The following SCAPER variants were observed in gnomAD, a reference collection of about 807,000 sequenced individuals.
The protein encoded by SCAPER is S-phase cyclin A associated protein in the ER.
A neutral mutation model predicts 182.2 loss-of-function variants in SCAPER; 98 were observed. The ratio of observed to expected loss-of-function variants is 0.54; its 90% confidence interval spans 0.46 to 0.64. The LOEUF (loss-of-function observed/expected upper bound fraction) is 0.64, where lower values mean the gene tolerates loss of function less well. SCAPER is among the 30% of genes least tolerant of loss of function. SCAPER has a pLI of 0.00. For missense variants in SCAPER, 1,432 were observed against 1,690.0 expected (o/e 0.85, Z 2.68); for synonymous variants, 605 against 564.6 (o/e 1.07, Z -1.01).
At chr15:76,557,716 A>AC (rs2046294028) in intron 23 of SCAPER, among the ~76,000 whole-genome samples, 2 of 152,196 alleles carry the variant, frequency 1.3e-5, no homozygotes, top group South Asian at 4.1e-4. Context: ...TGTATCAGTT[A>AC]CCCAGTCTCA....
Position 76,795,313 on chromosome 15 carries a change from G to GTGGGCAAGAC in SCAPER, c.729_738dup (p.Pro247ValfsTer15). 1 of 1,612,976 alleles carries GTGGGCAAGAC rather than the reference G, an allele frequency of 6.2e-7. No homozygotes were observed. Among genetic ancestry groups the GTGGGCAAGAC allele is most frequent in the Non-Finnish European group, 8.5e-7 (1 of 1,179,298 alleles). On this transcript the variant is annotated frameshift_variant, in exon 8 of 32. Coordinates refer to ENST00000563290, the MANE Select transcript of SCAPER (RefSeq NM_020843.4). LOFTEE classifies it high-confidence loss of function. ...CGTGAGGCCTTCTGCACTGTCATTG[G>GTGGGCAAGAC]TGGGCAAGACTGGGCGGGTGTTATT...
chr15:76,816,061 G>T (rs528814634), intron 5 of SCAPER, among the ~76,000 whole-genome samples: 26 of 152,126 alleles, frequency 1.7e-4, no homozygotes, highest in Admixed American at 3.9e-4. Flanking sequence ...GTTGCTCTGG[G>T]TAAGGGAGGG....
intron 23 of SCAPER, among the ~76,000 whole-genome samples, chr15:76,510,530 C>T (rs1213832033): frequency 6.6e-6 from 1 of 152,016 alleles, no homozygotes; most frequent in Admixed American, 6.5e-5. Flanking sequence ...AAATGCAAAT[C>T]AAAACCACAA....
At chr15:76,358,232 A>G (rs1389334011) in intron 29 of SCAPER, among the ~76,000 whole-genome samples, 3 of 152,362 alleles carry the variant, frequency 2.0e-5, no homozygotes, top group African/African-American at 7.2e-5. Flanking sequence ...AGAGTACTTC[A>G]AGGCTTCCTT....
intron 8 of SCAPER, among the ~76,000 whole-genome samples, chr15:76,790,849 G>C (rs896539667): frequency 1.3e-5 from 2 of 152,072 alleles, no homozygotes; most frequent in Admixed American, 1.3e-4. Context: ...TAGTCCTTGG[G>C]TTTAACTTGC....
intron 2 of SCAPER, among the ~76,000 whole-genome samples, chr15:76,881,917 C>T (rs2073565039): frequency 6.6e-6 from 1 of 151,936 alleles, no homozygotes; most frequent in Admixed American, 6.6e-5. Flanking sequence ...TTAATGTTAC[C>T]CACAAGGGAA....
At chr15:76,726,258 C>T (rs908753770) in intron 17 of SCAPER, among the ~76,000 whole-genome samples, 6 of 149,872 alleles carry the variant, frequency 4.0e-5, no homozygotes, top group Non-Finnish European at 8.9e-5. Context: ...CCAATAAGCA[C>T]ATGAAAAGAT....
chr15:76,780,634 C>G (rs926094651), intron 8 of SCAPER, among the ~76,000 whole-genome samples: 2 of 152,200 alleles, frequency 1.3e-5, no homozygotes, highest in Non-Finnish European at 2.9e-5. Context: ...TAGGGGCCAA[C>G]AGACACCTCA....
chr15:76,604,185 T>C (rs1311856599), intron 22 of SCAPER, among the ~76,000 whole-genome samples: 1 of 120,908 alleles, frequency 8.3e-6, no homozygotes, highest in African/African-American at 2.5e-5. Context: ...TTAATCCATC[T>C]TGAATTAATT....
In SCAPER at chr15:76,434,175, T is replaced by C; in HGVS notation, c.3214A>G (p.Asn1072Asp). 6.2e-7 allele frequency: 1 copy of C among 1,614,002 alleles called. No homozygotes were observed. The highest frequency in any genetic ancestry group is 8.5e-7 in the Non-Finnish European group (1 of 1,179,878). Residue 1072 changes from asparagine (N) to aspartate (D), a missense_variant, in exon 26 of 32, where the codon AAC (asparagine) becomes GAC (aspartate). By Grantham distance (23) the Asn-to-Asp change is conservative. Transcript: ENST00000563290. ...ATTTTTGGGGTAGCTGGCTGGCAGT[T>C]TCCATCTGGTCGATTGGCAATCAGG... ...GCLIANRPDG[N>D]CQPATPKIPT...
At chr15:76,745,310 G>T (rs537248190) in intron 15 of SCAPER, among the ~76,000 whole-genome samples, 1 of 152,080 alleles carries the variant, frequency 6.6e-6, no homozygotes, top group African/African-American at 2.4e-5. Context: ...TTAGCCAGGC[G>T]TGGTGGCGTG....
intron 23 of SCAPER, among the ~76,000 whole-genome samples, chr15:76,520,828 G>C (rs2042777181): frequency 6.6e-6 from 1 of 152,196 alleles, no homozygotes; most frequent in South Asian, 2.1e-4. Flanking sequence ...TAGAATCTGA[G>C]CTTTCAAACA....
At chr15:76,571,788 C>T (rs2047449939) in intron 23 of SCAPER, among the ~76,000 whole-genome samples, 1 of 152,104 alleles carries the variant, frequency 6.6e-6, no homozygotes, top group Non-Finnish European at 1.5e-5. Context: ...GAGTTTGTTA[C>T]TCCAGGCAGT....
chr15:76,763,798 T>G (rs1020649780), intron 14 of SCAPER, among the ~76,000 whole-genome samples: 2 of 152,222 alleles, frequency 1.3e-5, no homozygotes, highest in African/African-American at 2.4e-5. Context: ...CCTCTAGAAT[T>G]TGTTTGGTTC....
At chr15:76,360,861 A>G (rs753874232) in intron 29 of SCAPER, among the ~76,000 whole-genome samples, 2 of 152,108 alleles carry the variant, frequency 1.3e-5, no homozygotes, top group Non-Finnish European at 2.9e-5. Context: ...CATGACTCTA[A>G]ATTAGTACTG....
chr15:76,571,663 A>G (rs1459272255), intron 23 of SCAPER, among the ~76,000 whole-genome samples: 1 of 152,156 alleles, frequency 6.6e-6, no homozygotes, highest in Non-Finnish European at 1.5e-5. Flanking sequence ...GTCAAGATTC[A>G]TCTCTCACCA....
intron 22 of SCAPER, among the ~76,000 whole-genome samples, chr15:76,579,748 G>A (rs1475628659): frequency 6.6e-6 from 1 of 152,056 alleles, no homozygotes; most frequent in Non-Finnish European, 1.5e-5. Flanking sequence ...ATTAAAACAA[G>A]AAGATCCAAC....
At chr15:76,549,483 A>C (rs2045572743) in intron 23 of SCAPER, among the ~76,000 whole-genome samples, 1 of 152,164 alleles carries the variant, frequency 6.6e-6, no homozygotes, top group South Asian at 2.1e-4. Flanking sequence ...GGAAACCATC[A>C]AACTATCTCA....
chr15:76,514,667 C>T (rs1334304863), intron 23 of SCAPER, among the ~76,000 whole-genome samples: 2 of 152,180 alleles, frequency 1.3e-5, no homozygotes, highest in Non-Finnish European at 2.9e-5. Context: ...GCATCTGTGG[C>T]ACCTTAAGAC....
Sources: gnomAD v4.1 joint callset for allele counts (sites outside exome capture counted in the v4.1 genomes callset) on GRCh38, gnomAD v4.1.1 for gene constraint, MANE v1.5 for transcripts, NCBI Gene and HGNC (gene_info 2026-07-23, HGNC 2026-07-21) for gene names.